ZNF644: variants seen among roughly 807,000 people sequenced by gnomAD.
ZNF644 encodes the protein zinc finger motif enhancer binding protein 2.
In ZNF644, 20 loss-of-function variants were observed where a neutral mutation model predicts 108.0. That is an observed-to-expected ratio of 0.19 (90% confidence interval 0.13 to 0.27). The LOEUF (loss-of-function observed/expected upper bound fraction) is 0.27, where lower values mean the gene tolerates loss of function less well. Among genes scored for constraint, ZNF644 ranks in the 10% least tolerant of loss-of-function variants. ZNF644 has a pLI of 1.00. For synonymous variants in ZNF644, 542 were observed against 539.1 expected, an observed-to-expected ratio of 1.01 and a Z score of -0.08; for missense variants, 1,338 against 1,548.9, an observed-to-expected ratio of 0.86 and a Z score of 2.29.
chr1:91,005,091 C>T (rs1001670259), intron 1 of ZNF644, among the ~76,000 whole-genome samples: 1 of 152,044 alleles, frequency 6.6e-6, no homozygotes, highest in Non-Finnish European at 1.5e-5. Context: ...CTACAAGAGA[C>T]ACACTTGAGA....
At chr1:90,989,007 G>A (rs1258616910) in intron 1 of ZNF644, among the ~76,000 whole-genome samples, 1 of 151,800 alleles carries the variant, frequency 6.6e-6, no homozygotes, top group Non-Finnish European at 1.5e-5. Flanking sequence ...CAAAAGCACA[G>A]GGAACAAAAA....
chr1:90,956,401 C>A (rs1653760294), intron 2 of ZNF644, among the ~76,000 whole-genome samples: 1 of 152,124 alleles, frequency 6.6e-6, no homozygotes, highest in African/African-American at 2.4e-5. Context: ...AATCAACACA[C>A]AATAAAACAG....
At chr1:90,965,266 T>A (rs890270826) in intron 2 of ZNF644, among the ~76,000 whole-genome samples, 1 of 152,200 alleles carries the variant, frequency 6.6e-6, no homozygotes, top group Non-Finnish European at 1.5e-5. Context: ...TCCTTCTGAC[T>A]GCTGTGAGGA....
At chr1:91,018,532 A>G (rs908161226) in intron 1 of ZNF644, among the ~76,000 whole-genome samples, 2 of 152,224 alleles carry the variant, frequency 1.3e-5, no homozygotes, top group Admixed American at 1.3e-4. Flanking sequence ...AACATTTAGA[A>G]AACAGTTTAA....
chr1:90,972,399 T>C (rs1373529033), intron 2 of ZNF644, among the ~76,000 whole-genome samples: 6 of 152,096 alleles, frequency 3.9e-5, no homozygotes, highest in African/African-American at 1.4e-4. Context: ...CACTAATTAT[T>C]AGACAAATAC....
At chr1:91,002,055 C>A (rs1658892969) in intron 1 of ZNF644, among the ~76,000 whole-genome samples, 1 of 152,156 alleles carries the variant, frequency 6.6e-6, no homozygotes, top group Non-Finnish European at 1.5e-5. Flanking sequence ...AAGAACATTC[C>A]ATGCTCATGG....
At chr1:90,964,586 G>A (rs1030007868) in intron 2 of ZNF644, among the ~76,000 whole-genome samples, 1 of 151,984 alleles carries the variant, frequency 6.6e-6, no homozygotes, top group Admixed American at 6.6e-5. Flanking sequence ...CATTTACCTA[G>A]AACAGTATAG....
chr1:90,930,513 AC>A (rs986863371), intron 4 of ZNF644, among the ~76,000 whole-genome samples: 10 of 152,318 alleles, frequency 6.6e-5, no homozygotes, highest in Non-Finnish European at 1.2e-4. Flanking sequence ...CATCTAAGAT[AC>A]TACTACCATT....
At position 90,920,438 on chromosome 1, in the gene ZNF644, T is replaced by G. The variant is rs192979840; in HGVS notation, c.3689-2284A>C. 1.6e-4 allele frequency among the ~76,000 whole-genome samples: 24 copies of G among 152,158 alleles called. No homozygotes were observed. In the East Asian group the frequency reaches 4.2e-3, roughly 27 times the overall value. On this transcript the variant is annotated intron_variant, in intron 4 of 5. Transcript: ENST00000337393. ...TAGGGAAATATGCAAAAGAACATTT[T>G]ATCAGTTACAAAAGCATTTAAATTT...
chr1:90,918,513 C>A (rs931601082), intron 4 of ZNF644: 5 of 199,370 alleles, frequency 2.5e-5, no homozygotes, highest in Non-Finnish European at 5.3e-5. Context: ...TATAATCATA[C>A]ATAATTTTAA....
chr1:90,967,970 A>T (rs1204406032), intron 2 of ZNF644, among the ~76,000 whole-genome samples: 1 of 148,102 alleles, frequency 6.8e-6, no homozygotes, highest in East Asian at 2.0e-4. Context: ...CTGAGGCAGG[A>T]GAATTGCTTG....
At position 90,939,352 on chromosome 1, in the gene ZNF644, T is replaced by C. The variant is rs1436517502; in HGVS notation, c.2002A>G (p.Thr668Ala). The change falls in exon 3 of 6, where the codon ACC becomes GCC. Residue 668 changes from threonine (T) to alanine (A), a missense_variant. This residue lies in a region of ZNF644 where 462 missense variants were observed against 472.6 expected (regional missense o/e 0.98). Transcript: ENST00000337393. ...KQDVKRTFGSTSQSSSFSKIH... is the reference protein window; with the variant it reads ...KQDVKRTFGSASQSSSFSKIH... ...TTTGAAAAACTACTTGATTGTGAGG[T>C]TGATCCAAATGTTCGCTTCACATCT... The C allele has an allele frequency of 6.2e-7, 1 of 1,614,074 alleles. No homozygotes were observed. Among genetic ancestry groups the C allele is most frequent in the South Asian group, 1.1e-5 (1 of 91,084 alleles).
Position 90,938,852 on chromosome 1 carries a change from A to C in ZNF644, c.2502T>G (p.His834Gln). ...EDLDSYPDFLHKMTVVVLQKL... is the reference protein window; with the variant it reads ...EDLDSYPDFLQKMTVVVLQKL... ...TTTGCAAAACGACAACAGTCATTTT[A>C]TGCAAAAAATCTGGATAGCTATCCA... Residue 834 changes from histidine (H) to glutamine (Q), a missense_variant, in exon 3 of 6, where the codon CAT becomes CAG. By Grantham distance (24) the His-to-Gln change is conservative (BLOSUM62 0). Coordinates refer to ENST00000337393, the MANE Select transcript of ZNF644 (RefSeq NM_201269.3). This position sits in a 1 kb window ranked among gnomAD's most constrained non-coding sequence, Gnocchi z 4.2. The C allele has an allele frequency of 1.2e-6, 2 of 1,613,890 alleles. No homozygotes were observed. Among genetic ancestry groups the C allele is most frequent in the Non-Finnish European group, 1.7e-6 (2 of 1,179,922 alleles).
chr1:90,948,678 A>G (rs1452562655), intron 2 of ZNF644, among the ~76,000 whole-genome samples: 1 of 152,210 alleles, frequency 6.6e-6, no homozygotes, highest in African/African-American at 2.4e-5. Context: ...AAAGTCGACT[A>G]TATTCATCGA....
Position 90,941,003 on chromosome 1 carries a change from A to T in ZNF644, c.351T>A (p.Asn117Lys). Reference sequence around the variant, plus strand: ...TTAAGGAGGAGTGTGAAACTGGTCCATTAACAGCAGCTCCTTTAGGCAAGA... The same window carrying T: ...TTAAGGAGGAGTGTGAAACTGGTCCTTTAACAGCAGCTCCTTTAGGCAAGA... Reference protein sequence around the residue: ...NFILPKGAAVNGPVSHSSLTK... With the variant: ...NFILPKGAAVKGPVSHSSLTK... The change falls in exon 3 of 6, where the codon AAT (asparagine) becomes AAA (lysine). Residue 117 changes from asparagine to lysine, a missense_variant. Coordinates refer to ENST00000337393, the MANE Select transcript of ZNF644 (RefSeq NM_201269.3). 1.2e-6 allele frequency: 2 copies of T among 1,614,134 alleles called. No homozygotes were observed. Among genetic ancestry groups the T allele is most frequent in the Non-Finnish European group, 1.7e-6 (2 of 1,179,976 alleles).
chr1:90,985,480 C>CA (rs1657001954), intron 1 of ZNF644, among the ~76,000 whole-genome samples: 2 of 152,184 alleles, frequency 1.3e-5, no homozygotes, highest in South Asian at 4.1e-4. Context: ...AACCCAGCCT[C>CA]AGGTAAACAC....
Position 90,941,280 on chromosome 1 carries a change from T to C in ZNF644, c.74A>G (p.Asn25Ser), listed in dbSNP as rs1283407550. 7 of 1,598,688 alleles carry C rather than the reference T, an allele frequency of 4.4e-6. No individual in the cohort carries two copies. Among genetic ancestry groups the C allele is most frequent in the African/African-American group, 1.4e-5 (1 of 73,650 alleles). ...GGTGTTTATCTTCAAATCATCCATA[T>C]TGTTGGCAAGCCCATTTAACACATT... ...RLNVLNGLAN[N>S]MDDLKINTDI... Residue 25 changes from asparagine (N) to serine (S), a missense_variant, in exon 3 of 6, where the codon AAT (asparagine) becomes AGT (serine). Around this residue, in one of 6 missense-constraint regions of ZNF644, gnomAD observed 464 missense variants for 457.9 expected, o/e 1.01. Coordinates refer to ENST00000337393, the MANE Select transcript of ZNF644 (RefSeq NM_201269.3).
At chr1:90,927,713 T>G (rs1046087219) in intron 4 of ZNF644, among the ~76,000 whole-genome samples, 1 of 152,188 alleles carries the variant, frequency 6.6e-6, no homozygotes, top group Non-Finnish European at 1.5e-5. Flanking sequence ...CTAAGAAATA[T>G]AAAGACCCAT....
intron 4 of ZNF644, among the ~76,000 whole-genome samples, chr1:90,921,991 AC>A (rs1649496234): frequency 6.6e-6 from 1 of 152,210 alleles, no homozygotes; most frequent in African/African-American, 2.4e-5. Context: ...TTAGTTTTAT[AC>A]AAAGAAGATT....
Sources: allele counts gnomAD v4.1 joint callset (sites outside exome capture counted in the v4.1 genomes callset), GRCh38; gene constraint gnomAD v4.1.1; regional missense constraint gnomAD v4.1.1; non-coding constraint Gnocchi (gnomAD v3.1); transcripts MANE v1.5; gene names NCBI Gene and HGNC (gene_info 2026-07-23, HGNC 2026-07-21).